The following ZNF800 variants were observed in gnomAD, a reference collection of about 807,000 sequenced individuals.
ZNF800 encodes the protein zinc finger protein 800.
A neutral mutation model predicts 59.5 loss-of-function variants in ZNF800; 13 were observed. The ratio of observed to expected loss-of-function variants is 0.22; its 90% CI spans 0.14 to 0.35. The LOEUF is 0.35. ZNF800 is among the 10% of genes least tolerant of loss of function. ZNF800 has a pLI of 1.00. For synonymous variants in ZNF800, 266 were observed against 265.7 expected, an observed-to-expected ratio of 1.00 and a Z score of -0.01; for missense variants, 621 against 783.7, an observed-to-expected ratio of 0.79 and a Z score of 2.48.
chr7:127,391,827 G>A (rs569132402), intron 1 of ZNF800, among the ~76,000 whole-genome samples: 18 of 152,134 alleles, frequency 1.2e-4, no homozygotes, highest in African/African-American at 3.9e-4. Context: ...GCAGCCTCGG[G>A]TGCGCAGCGC....
intron 3 of ZNF800, among the ~76,000 whole-genome samples, chr7:127,379,759 CA>C (rs1417026454): frequency 1.3e-5 from 2 of 149,618 alleles, no homozygotes; most frequent in South Asian, 4.2e-4. Context: ...AATAAACATC[CA>C]AAAAAAAGTA....
Position 127,379,836 on chromosome 7 carries a change from A to ACCCCCCCCCCCCCCCCCC in ZNF800, c.158-2508_158-2507insGGGGGGGGGGGGGGGGGG, listed in dbSNP as rs71179574. Reference sequence around the variant, plus strand: ...ACAAATGCTTCCCCTTACCCTTGCCACCCCCCCACCCCCCCACCCCCCCCA... The same window carrying ACCCCCCCCCCCCCCCCCC: ...ACAAATGCTTCCCCTTACCCTTGCCACCCCCCCCCCCCCCCCCCCCCCCCCACCCCCCCACCCCCCCCA... On this transcript the variant is annotated intron_variant, in intron 3 of 5. Coordinates refer to ENST00000265827, the MANE Select transcript of ZNF800 (RefSeq NM_176814.5). Among the ~76,000 whole-genome samples, 109 of 27,648 alleles carry ACCCCCCCCCCCCCCCCCC rather than the reference A, an allele frequency of 3.9e-3. 26 individuals are homozygous for ACCCCCCCCCCCCCCCCCC. The highest frequency in any genetic ancestry group is 5.2e-3 in the Admixed American group (11 of 2,106). 18.1% of individuals were successfully genotyped at this position (27,648 alleles called of 152,430 possible).
At chr7:127,379,836 AC>A (rs71179574) in intron 3 of ZNF800, among the ~76,000 whole-genome samples, 13,675 of 27,482 alleles carry the variant, frequency 0.5, 3,453 homozygotes, top group Middle Eastern at 0.66. Flanking sequence ...TACCCTTGCC[AC>A]CCCCCCACCC....
chr7:127,345,045 G>A (rs993901507), downstream of ZNF800, among the ~76,000 whole-genome samples: 2 of 152,134 alleles, frequency 1.3e-5, no homozygotes, highest in African/African-American at 4.8e-5. Flanking sequence ...CTGACAAAGA[G>A]CAAAATGTCT....
At chr7:127,376,550 T>TAATATAGCA (rs1352531665) in intron 4 of ZNF800, among the ~76,000 whole-genome samples, 1 of 151,984 alleles carries the variant, frequency 6.6e-6, no homozygotes, top group Non-Finnish European at 1.5e-5. Flanking sequence ...GTCTGCTATC[T>TAATATAGCA]GCCTTTATCA....
rs1393353921 is a variant in ZNF800 at position 127,383,767 on chromosome 7, T to C, written c.157+2293A>G. Among the ~76,000 whole-genome samples, 4 of 152,232 alleles carry C rather than the reference T, an allele frequency of 2.6e-5. No individual in the cohort carries two copies. The East Asian group carries it at 7.7e-4, about 29-fold the overall frequency. On this transcript the variant is annotated intron_variant, in intron 3 of 5. Coordinates refer to ENST00000265827, the MANE Select transcript of ZNF800 (RefSeq NM_176814.5). ...GTAATGAAGTAAAATAATTCTTTTT[T>C]TAATCCAAGATTAGTTTCTTTGTAC...
intron 2 of ZNF800, among the ~76,000 whole-genome samples, chr7:127,389,621 A>C (rs2117216660): frequency 6.6e-6 from 1 of 152,266 alleles, no homozygotes; most frequent in East Asian, 1.9e-4. Context: ...ACAATGAACT[A>C]CTCTATAAGT....
chr7:127,347,878 C>T (rs1800096660), exon 2 of ZNF800: 1 of 150,584 alleles, frequency 6.6e-6, no homozygotes, highest in Non-Finnish European at 1.5e-5. Flanking sequence ...CGGGCTTCCC[C>T]AGGCCCCGGG....
At chr7:127,369,453 C>A (rs749039967), downstream of ZNF800, among the ~76,000 whole-genome samples, 1 of 151,976 alleles carries the variant, frequency 6.6e-6, no homozygotes, top group South Asian at 2.1e-4. Flanking sequence ...TAAGCCTGAG[C>A]CCCTGAAGTG....
At chr7:127,372,876 TAC>T in intron 5 of ZNF800, 4 of 985,346 alleles carry the variant, frequency 4.1e-6, no homozygotes, top group Non-Finnish European at 4.8e-6. Flanking sequence ...TTACAATAAT[TAC>T]AGTGCCTCAA....
intron 2 of ZNF800, among the ~76,000 whole-genome samples, chr7:127,390,729 T>C (rs1801283528): frequency 6.6e-6 from 1 of 152,216 alleles, no homozygotes; most frequent in Non-Finnish European, 1.5e-5. Context: ...CATTCAATGA[T>C]TCCCTTTTAA....
chr7:127,381,975 A>G (rs1587449559), intron 3 of ZNF800, among the ~76,000 whole-genome samples: 1 of 152,094 alleles, frequency 6.6e-6, no homozygotes, highest in East Asian at 1.9e-4. Flanking sequence ...ATTTAGAAAG[A>G]TAATGACAGC....
rs2117110266 is a variant in ZNF800, at chr7:127,374,312, T to G, written c.1024A>C (p.Lys342Gln). The G allele has an allele frequency of 1.2e-6, 2 of 1,613,248 alleles. No homozygotes were observed. Among genetic ancestry groups the G allele is most frequent in the East Asian group, 2.2e-5 (1 of 44,862 alleles). The change falls in exon 5 of 6, where the codon AAG (lysine) becomes CAG (glutamine). Residue 342 changes from lysine to glutamine, a missense_variant. Physicochemically the swap from Lys to Gln is moderately conservative, Grantham distance 53. Coordinates refer to ENST00000265827, the MANE Select transcript of ZNF800 (RefSeq NM_176814.5). ...LDSISPKKSF[K>Q]TRKQKSSSKA... ...GAAGAAGACTTTTGTTTTCGAGTCT[T>G]AAAAGATTTTTTAGGAGAAATAGAA... is the stretch of plus-strand genomic sequence containing the variant.
chr7:127,366,288 A>G (rs2117068845), downstream of ZNF800, among the ~76,000 whole-genome samples: 1 of 152,302 alleles, frequency 6.6e-6, no homozygotes, highest in Middle Eastern at 3.4e-3. Context: ...ATTGCACAGT[A>G]AGCCCAAATG....
At chr7:127,388,399 G>A (rs1801205855) in intron 2 of ZNF800, among the ~76,000 whole-genome samples, 1 of 152,042 alleles carries the variant, frequency 6.6e-6, no homozygotes, top group African/African-American at 2.4e-5. Flanking sequence ...TATAGCAACA[G>A]GTAACTACTT....
intron 2 of ZNF800, among the ~76,000 whole-genome samples, chr7:127,388,149 G>A (rs1252878134): frequency 6.6e-6 from 1 of 152,076 alleles, no homozygotes; most frequent in African/African-American, 2.4e-5. Context: ...TTGTATAGGG[G>A]TTAAATAAGC....
intron 3 of ZNF800, among the ~76,000 whole-genome samples, chr7:127,382,109 A>G (rs1800995073): frequency 6.6e-6 from 1 of 152,232 alleles, no homozygotes; most frequent in South Asian, 2.1e-4. Flanking sequence ...CTACATGTAG[A>G]ATCTTTTTTC....
At chr7:127,375,747 T>C (rs773446959) in intron 4 of ZNF800, among the ~76,000 whole-genome samples, 6 of 152,038 alleles carry the variant, frequency 3.9e-5, no homozygotes, top group Non-Finnish European at 7.4e-5. Context: ...TATCCTATTG[T>C]AACAGAGTTG....
chr7:127,375,541 A>C (rs2117120796), intron 4 of ZNF800, among the ~76,000 whole-genome samples: 2 of 152,238 alleles, frequency 1.3e-5, no homozygotes, highest in Middle Eastern at 6.8e-3. Context: ...ATGAAAATGA[A>C]AGATTTGTAA....
Sources: allele counts gnomAD v4.1 joint callset (sites outside exome capture counted in the v4.1 genomes callset), GRCh38; gene constraint gnomAD v4.1.1; transcripts MANE v1.5; gene names NCBI Gene and HGNC (gene_info 2026-07-23, HGNC 2026-07-21).